PTPRR: variants seen among roughly 807,000 people sequenced by gnomAD.
PTPRR encodes protein tyrosine phosphatase receptor type R.
Under a neutral mutation model 77.2 loss-of-function variants are expected in PTPRR, and 38 were observed. The observed-to-expected ratio is 0.49, with a 90% confidence interval of 0.38 to 0.65. The LOEUF is 0.65. PTPRR is among the 30% of genes least tolerant of loss of function. The probability of loss-of-function intolerance (pLI) is 0.00; values close to 1 mark genes in which losing one functional copy is unlikely to be tolerated. For synonymous variants in PTPRR, 299 were observed against 283.1 expected, an observed-to-expected ratio of 1.06 and a Z score of -0.57; for missense variants, 744 against 799.2, an observed-to-expected ratio of 0.93 and a Z score of 0.83.
intron 10 of PTPRR, among the ~76,000 whole-genome samples, chr12:70,682,023 TTTG>T (rs1887681939): frequency 6.6e-6 from 1 of 150,730 alleles, no homozygotes; most frequent in Non-Finnish European, 1.5e-5. Context: ...CAGATTTATT[TTTG>T]TTGTTCACTT....
chr12:70,868,700 G>T (rs1248509092), intron 2 of PTPRR, among the ~76,000 whole-genome samples: 12 of 152,102 alleles, frequency 7.9e-5, no homozygotes, highest in Non-Finnish European at 1.5e-4. Context: ...TATACCCAAA[G>T]GATTATAAAT....
intron 6 of PTPRR, among the ~76,000 whole-genome samples, chr12:70,727,629 C>CTAAAGATGTCTT (rs1335698410): frequency 6.6e-6 from 1 of 152,076 alleles, no homozygotes; most frequent in African/African-American, 2.4e-5. Flanking sequence ...CTGGGAAACT[C>CTAAAGATGTCTT]TAAAGATGTC....
intron 2 of PTPRR, 72 bp downstream of exon 2, chr12:70,892,607 T>C: frequency 1.3e-6 from 2 of 1,534,776 alleles, no homozygotes; most frequent in South Asian, 2.4e-5. Flanking sequence ...AATCAGTGTT[T>C]TTCTTTTTTC....
chr12:70,726,603 CAG>C (rs1565668222), intron 6 of PTPRR, among the ~76,000 whole-genome samples: 3 of 144,370 alleles, frequency 2.1e-5, no homozygotes, highest in African/African-American at 7.8e-5. Context: ...TTTTTTGAGA[CAG>C]AGTCTCACTC....
intron 13 of PTPRR, among the ~76,000 whole-genome samples, chr12:70,653,696 C>T (rs1275391660): frequency 6.6e-6 from 1 of 152,180 alleles, no homozygotes; most frequent in Admixed American, 6.5e-5. Context: ...ATCATCTTTT[C>T]ATCCTTACAA....
intron 5 of PTPRR, 39 bp from the exon 6 acceptor site, chr12:70,746,125 T>C: frequency 6.4e-7 from 1 of 1,569,540 alleles, no homozygotes; most frequent in Non-Finnish European, 8.7e-7. Flanking sequence ...TCACATTTTC[T>C]CACACTAAAC....
At chr12:70,646,934 T>C (rs1169491533) in intron 13 of PTPRR, among the ~76,000 whole-genome samples, 3 of 151,454 alleles carry the variant, frequency 2.0e-5, no homozygotes, top group Admixed American at 6.6e-5. Context: ...TCTTCTGAGA[T>C]GGCTGTAGTT....
chr12:70,707,443 CT>C (rs1888659694), intron 6 of PTPRR, among the ~76,000 whole-genome samples: 2 of 151,282 alleles, frequency 1.3e-5, no homozygotes, highest in Non-Finnish European at 3.0e-5. Flanking sequence ...TCATGAATGT[CT>C]TTTCATGTCC....
chr12:70,785,955 C>T (rs948955225), intron 2 of PTPRR, among the ~76,000 whole-genome samples: 6 of 152,092 alleles, frequency 3.9e-5, no homozygotes, highest in African/African-American at 1.4e-4. Flanking sequence ...TTATTTTTCC[C>T]AGTTATTCTT....
At chr12:70,713,635 T>TCC (rs1888914517) in intron 6 of PTPRR, among the ~76,000 whole-genome samples, 1 of 151,848 alleles carries the variant, frequency 6.6e-6, no homozygotes, top group South Asian at 2.1e-4. Context: ...TGGTTACATT[T>TCC]CCCTAATGAC....
intron 6 of PTPRR, among the ~76,000 whole-genome samples, chr12:70,715,421 A>G (rs1370459597): frequency 6.6e-6 from 1 of 152,188 alleles, no homozygotes; most frequent in African/African-American, 2.4e-5. Flanking sequence ...ATTGTCATTG[A>G]TAACATCTTA....
In PTPRR at chr12:70,638,943, C is replaced by A. The variant is rs1304159137; in HGVS notation, c.*241G>T. The A allele has an allele frequency of 3.9e-6, 2 of 512,532 alleles. No homozygotes were observed. Among genetic ancestry groups the A allele is most frequent in the Non-Finnish European group, 3.5e-6 (1 of 284,962 alleles). The allele number at this position is 512,532 out of a possible 1,614,324, so 31.7% of individuals were successfully genotyped here. ...AATCTGCCTTAGGCTGTGTGATAAA[C>A]CTATCATACCTCCATCATCAAAAAA... On this transcript the variant is annotated 3_prime_UTR_variant, in exon 14 of 14. Coordinates refer to ENST00000283228, the MANE Select transcript of PTPRR (RefSeq NM_002849.4).
chr12:70,919,673 G>GTT (rs58439089), intron 1 of PTPRR, among the ~76,000 whole-genome samples: 1,534 of 109,818 alleles, frequency 0.014, 142 homozygotes, highest in Non-Finnish European at 0.021. Flanking sequence ...AACTGTAATT[G>GTT]TTTTTTTTTT....
At chr12:70,757,852 G>A (rs552818296) in intron 4 of PTPRR, among the ~76,000 whole-genome samples, 2 of 152,284 alleles carry the variant, frequency 1.3e-5, no homozygotes, top group Non-Finnish European at 2.9e-5. Flanking sequence ...GGTATAAGTT[G>A]TTATAAAAGA....
chr12:70,894,737 T>C (rs989575196), intron 1 of PTPRR, among the ~76,000 whole-genome samples: 1 of 151,768 alleles, frequency 6.6e-6, no homozygotes, highest in African/African-American at 2.4e-5. Flanking sequence ...AATTCCATTA[T>C]ACTACATATG....
At chr12:70,840,101 A>T (rs1270174725) in intron 2 of PTPRR, among the ~76,000 whole-genome samples, 1 of 152,144 alleles carries the variant, frequency 6.6e-6, no homozygotes, top group Non-Finnish European at 1.5e-5. Context: ...GATATAACTT[A>T]TAGCTCTGTA....
chr12:70,849,778 AT>A (rs1161462879), intron 2 of PTPRR, among the ~76,000 whole-genome samples: 1 of 152,038 alleles, frequency 6.6e-6, no homozygotes, highest in African/African-American at 2.4e-5. Flanking sequence ...CTTTTTAGTC[AT>A]TTTTCCTTAA....
chr12:70,877,870 C>A (rs1893079295), intron 2 of PTPRR, among the ~76,000 whole-genome samples: 2 of 152,124 alleles, frequency 1.3e-5, no homozygotes, highest in African/African-American at 4.8e-5. Context: ...CTACAGTAAC[C>A]AAAACAGCAT....
chr12:70,836,445 A>G (rs1892306097), intron 2 of PTPRR, among the ~76,000 whole-genome samples: 1 of 151,794 alleles, frequency 6.6e-6, no homozygotes, highest in Admixed American at 6.6e-5. Flanking sequence ...AGCTTAGATA[A>G]TTTTGCTGCA....
Sources: gnomAD v4.1 joint callset for allele counts (sites outside exome capture counted in the v4.1 genomes callset) on GRCh38, gnomAD v4.1.1 for gene constraint, MANE v1.5 for transcripts, NCBI Gene and HGNC (gene_info 2026-07-23, HGNC 2026-07-21) for gene names.